NEB: variants seen among roughly 807,000 people sequenced by gnomAD.
The protein encoded by NEB is nebulin, also known as nemaline myopathy type 2.
A neutral mutation model predicts 952.2 loss-of-function variants in NEB; 512 were observed. That is an observed-to-expected ratio of 0.54 (90% CI 0.50 to 0.58). The LOEUF is 0.58. Ranked by LOEUF, NEB falls within the 20% of genes least tolerant of loss-of-function variation. The pLI is 0.00. For missense variants in NEB, 8,428 were observed against 9,231.1 expected (o/e 0.91, Z 3.56); for synonymous variants, 2,900 against 3,149.8 (o/e 0.92, Z 2.66).
intron 80 of NEB, 103 bp downstream of exon 80, chr2:151,610,413 G>A: frequency 2.3e-6 from 2 of 853,394 alleles, no homozygotes; most frequent in South Asian, 1.6e-5. Context: ...AGTAGGACTG[G>A]AAGGTACATG....
At chr2:151,726,432 T>C (rs1257215527) in intron 5 of NEB, among the ~76,000 whole-genome samples, 1 of 152,232 alleles carries the variant, frequency 6.6e-6, no homozygotes, top group African/African-American at 2.4e-5. Flanking sequence ...TGAGTATGTA[T>C]TGCTCAACCT....
rs186889110 is a variant in NEB at position 151,557,073 on chromosome 2, C to T, written c.19315-2029G>A. 6.3e-3 allele frequency among the ~76,000 whole-genome samples: 955 copies of T among 152,174 alleles called. 4 individuals are homozygous for T. Among genetic ancestry groups the T allele is most frequent in the South Asian group, 0.015 (74 of 4,806 alleles). The stretch of plus-strand genomic sequence containing the variant: ...AAACCCTTCAAAAAAATCAATGAAT[C>T]CAGGAGCTGTTTTTTTGAAAAGATC... On this transcript the variant is annotated intron_variant, in intron 124 of 181. Coordinates refer to ENST00000397345, the MANE Select transcript of NEB (RefSeq NM_001164508.2).
Position 151,618,395 on chromosome 2 carries a change from T to A in NEB, c.10956A>T (p.Arg3652Ser). ...TAGTATCACTAAGTAATTCTCCAGC[T>A]CTCTTGGCCCTAACAACTTCCAAGG... ...IDSLEVVRAKRAGELLSDTIY... is the reference protein window; with the variant it reads ...IDSLEVVRAKSAGELLSDTIY... Residue 3652 changes from arginine (R) to serine (S), a missense_variant, in exon 74 of 182, where the codon AGA becomes AGT. By Grantham distance (110) the Arg-to-Ser change is moderately radical. This residue lies in a region of NEB where 1,772 missense variants were observed against 1,960.3 expected (regional missense o/e 0.90). Coordinates refer to ENST00000397345, the MANE Select transcript of NEB (RefSeq NM_001164508.2). 6.2e-7 allele frequency: 1 copy of A among 1,613,876 alleles called. No homozygotes were observed.
At chr2:151,730,133 T>G (rs1169696179) in intron 3 of NEB, among the ~76,000 whole-genome samples, 2 of 152,162 alleles carry the variant, frequency 1.3e-5, no homozygotes, top group Non-Finnish European at 2.9e-5. Context: ...ATGGAAATAA[T>G]AAGATCCCAA....
chr2:151,497,383 C>A, intron 171 of NEB: 1 of 979,444 alleles, frequency 1.0e-6, no homozygotes, highest in Non-Finnish European at 1.2e-6. Context: ...AACTGAAAAA[C>A]TCATTATTTT....
intron 117 of NEB, 97 bp from the exon 118 acceptor site, chr2:151,564,027 C>A: frequency 1.2e-6 from 1 of 855,482 alleles, no homozygotes; most frequent in South Asian, 1.7e-5. Context: ...CATGTATGTT[C>A]AAGGCAAGGC....
chr2:151,618,901 G>A (rs1420107345), intron 73 of NEB, among the ~76,000 whole-genome samples: 1 of 152,084 alleles, frequency 6.6e-6, no homozygotes, highest in African/African-American at 2.4e-5. Flanking sequence ...AGTGTATAAA[G>A]GAAATGTGAT....
rs761813976 is a variant in NEB, at chr2:151,568,645, C to A, written c.17607G>T (p.Ala5869=). The A allele has an allele frequency of 6.2e-7, 1 of 1,609,288 alleles. No homozygotes were observed. Among genetic ancestry groups the A allele is most frequent in the Non-Finnish European group, 8.5e-7 (1 of 1,177,758 alleles). The stretch of plus-strand genomic sequence containing the variant: ...CATCGAGGATCTCGCCACTTTGTTT[C>A]GCTGTCACATAATCAACTCTGTCAT... ...PVDDRVDYVT[A]KQSGEILDDI... is the part of the protein sequence containing the mutation. The change falls in exon 111 of 182, where the codon GCG becomes GCT. Residue 5869 remains alanine, a synonymous_variant. Transcript: ENST00000397345.
chr2:151,719,019 C>T (rs1317735092), intron 9 of NEB, among the ~76,000 whole-genome samples: 2 of 152,146 alleles, frequency 1.3e-5, no homozygotes, highest in Non-Finnish European at 2.9e-5. Flanking sequence ...CTCAGGACAC[C>T]ATGACTCCCC....
In NEB at chr2:151,620,465, T is replaced by C. The variant is rs188740682; in HGVS notation, c.10560+454A>G. 2.0e-5 allele frequency among the ~76,000 whole-genome samples: 3 copies of C among 150,388 alleles called. No homozygotes were observed. The East Asian group carries it at 5.8e-4, about 29-fold the overall frequency. On this transcript the variant is annotated intron_variant, in intron 72 of 181. Transcript: ENST00000397345. ...ACTACTCTTGGATTAATTTTTAAGA[T>C]GTCCAGGGATCTGATGTTTTCATTT...
intron 63 of NEB, among the ~76,000 whole-genome samples, chr2:151,637,668 GA>G (rs1377973528): frequency 1.3e-5 from 2 of 152,152 alleles, no homozygotes; most frequent in African/African-American, 4.8e-5. Context: ...ACAGAGTTGA[GA>G]AATCCAGAAA....
rs10529317 is a variant in NEB, at chr2:151,574,722, T to TTTTATTTATTTATTTATTTATTTATTTA, written c.17013+972_17013+973insTAAATAAATAAATAAATAAATAAATAAA. Among the ~76,000 whole-genome samples, 365 of 147,804 alleles carry TTTTATTTATTTATTTATTTATTTATTTA rather than the reference T, an allele frequency of 2.5e-3. 1 individual carries two copies. Among genetic ancestry groups the TTTTATTTATTTATTTATTTATTTATTTA allele is most frequent in the Middle Eastern group, 6.9e-3 (2 of 290 alleles). On this transcript the variant is annotated intron_variant, in intron 107 of 181. Transcript: ENST00000397345. ...CCCCATTATTGGTCTACAGTTTAAATTTTATTTATTTATTTATTTATTTAT... is the reference window on the plus strand; with the variant it reads ...CCCCATTATTGGTCTACAGTTTAAATTTTATTTATTTATTTATTTATTTATTTATTTATTTATTTATTTATTTATTTAT...
Position 151,619,582 on chromosome 2 carries a change from T to C in NEB, c.10741A>G (p.Ile3581Val). Residue 3581 changes from isoleucine to valine, a missense_variant, in exon 73 of 182, where the codon ATC (isoleucine) becomes GTC (valine). Ile to Val is a conservative substitution (Grantham distance 29). Coordinates refer to ENST00000397345, the MANE Select transcript of NEB (RefSeq NM_001164508.2). ...GTCTGACACTTCTTGGCCAAAACGA[T>C]ACCAAGCATGTCCACTGGGCTGCTG... ...RYSSPVDMLG[I>V]VLAKKCQTLV... is the part of the protein sequence containing the mutation. 1 of 1,613,976 alleles carries C rather than the reference T, an allele frequency of 6.2e-7. No homozygotes were observed. The highest frequency in any genetic ancestry group is 1.1e-5 in the South Asian group (1 of 91,078).
chr2:151,525,083 ACAC>A, intron 151 of NEB, 77 bp downstream of exon 151: 1 of 1,005,254 alleles, frequency 9.9e-7, no homozygotes, highest in Non-Finnish European at 1.6e-6. Flanking sequence ...GAGTGACCAC[ACAC>A]TGGAACAAGA....
In NEB at chr2:151,631,296, G is replaced by C. The variant is rs1021985219; in HGVS notation, c.9465C>G (p.Pro3155=). The stretch of plus-strand genomic sequence containing the variant: ...ACTTGACCACATCCATAGACCCAAT[G>C]GGGACCCAGCCAATGCCTCTCAGCC... ...LQWLRGIGWV[P]IGSMDVVKCK... is the part of the protein sequence containing the mutation. The change falls in exon 66 of 182, where the codon CCC becomes CCG. Residue 3155 remains proline (P), a synonymous_variant. Transcript: ENST00000397345. The C allele has an allele frequency of 5.0e-6, 8 of 1,613,562 alleles. No homozygotes were observed. The Admixed American group carries it at 1.2e-4, about 24-fold the overall frequency.
chr2:151,715,394 A>G (rs923620148), intron 10 of NEB, among the ~76,000 whole-genome samples: 1 of 152,244 alleles, frequency 6.6e-6, no homozygotes, highest in Non-Finnish European at 1.5e-5. Context: ...ACTAAGTGTT[A>G]TGGGATGAAT....
intron 77 of NEB, among the ~76,000 whole-genome samples, chr2:151,613,054 C>A (rs1263367399): frequency 6.6e-6 from 1 of 152,020 alleles, no homozygotes. Context: ...GGAAGGGTAA[C>A]AATTCTTTTT....
intron 28 of NEB, among the ~76,000 whole-genome samples, chr2:151,683,751 G>A (rs979470423): frequency 6.6e-6 from 1 of 152,118 alleles, no homozygotes; most frequent in African/African-American, 2.4e-5. Context: ...ATCTCAAAGA[G>A]ATATTCACAT....
At position 151,674,575 on chromosome 2, in the gene NEB, T is replaced by C. The variant is rs1281421540; in HGVS notation, c.3889A>G (p.Lys1297Glu). 1 of 1,609,738 alleles carries C rather than the reference T, an allele frequency of 6.2e-7. No individual in the cohort carries two copies. Among genetic ancestry groups the C allele is most frequent in the Middle Eastern group, 1.7e-4 (1 of 6,056 alleles). ...NAYNISDVCY[K>E]RDWYDLIAKG... ...GCTATTAAGTCATACCAATCCCGTT[T>C]ATAACAGACCTGGACAGAAAAGCAA... Residue 1297 changes from lysine to glutamate, a missense_variant, in exon 36 of 182, where the codon AAA becomes GAA. Coordinates refer to ENST00000397345, the MANE Select transcript of NEB (RefSeq NM_001164508.2).
Sources: allele counts gnomAD v4.1 joint callset (sites outside exome capture counted in the v4.1 genomes callset), GRCh38; gene constraint gnomAD v4.1.1; regional missense constraint gnomAD v4.1.1; transcripts MANE v1.5; gene names NCBI Gene and HGNC (gene_info 2026-07-23, HGNC 2026-07-21).